The following EYA4 variants were observed in gnomAD, a reference collection of about 807,000 sequenced individuals.
The protein encoded by EYA4 is EYA transcriptional coactivator and phosphatase 4, also known as protein phosphatase EYA4.
Under a neutral mutation model 87.9 loss-of-function variants are expected in EYA4, and 31 were observed. That is an observed-to-expected ratio of 0.35 (90% CI 0.27 to 0.48). EYA4 has a LOEUF of 0.48. EYA4 is among the 20% of genes least tolerant of loss of function. The pLI, the probability that EYA4 is intolerant of heterozygous loss-of-function variation, is 0.99. For synonymous variants in EYA4, 263 were observed against 270.6 expected (o/e 0.97, Z 0.28); for missense variants, 678 against 761.4 (o/e 0.89, Z 1.29).
intron 5 of EYA4, among the ~76,000 whole-genome samples, chr6:133,453,885 A>G (rs1242247127): frequency 6.6e-6 from 1 of 152,074 alleles, no homozygotes; most frequent in African/African-American, 2.4e-5. Context: ...TCCTTTGTCT[A>G]TCTTTGACTA....
chr6:133,490,565 A>G (rs1406373530), intron 13 of EYA4, among the ~76,000 whole-genome samples: 1 of 152,066 alleles, frequency 6.6e-6, no homozygotes, highest in African/African-American at 2.4e-5. Flanking sequence ...GTGGATTTCA[A>G]CACAAAAAGT....
chr6:133,319,271 T>G (rs1340918553), intron 2 of EYA4, among the ~76,000 whole-genome samples: 1 of 152,256 alleles, frequency 6.6e-6, no homozygotes, highest in East Asian at 1.9e-4. Context: ...GAACAAGGCA[T>G]AAGCCGGAAG....
intron 2 of EYA4, among the ~76,000 whole-genome samples, chr6:133,281,984 G>A (rs1328403913): frequency 6.6e-6 from 1 of 152,032 alleles, no homozygotes; most frequent in African/African-American, 2.4e-5. Context: ...ATCCCATGGT[G>A]TATATAAACC....
chr6:133,240,987 G>C (rs1262961254), upstream of EYA4: 1 of 151,886 alleles, frequency 6.6e-6, no homozygotes, highest in Non-Finnish European at 1.5e-5. Context: ...GAGCGCGGTC[G>C]CGGGTCCCTC....
intron 2 of EYA4, among the ~76,000 whole-genome samples, chr6:133,304,894 G>C (rs1380993101): frequency 6.6e-6 from 1 of 152,164 alleles, no homozygotes; most frequent in Non-Finnish European, 1.5e-5. Flanking sequence ...GTGGTGGTGA[G>C]ATAGATAAGA....
chr6:133,370,122 G>T (rs886254278), intron 2 of EYA4, among the ~76,000 whole-genome samples: 1 of 152,184 alleles, frequency 6.6e-6, no homozygotes, highest in African/African-American at 2.4e-5. Context: ...GTTGGTTAGA[G>T]ACTATAAACC....
intron 3 of EYA4, among the ~76,000 whole-genome samples, chr6:133,430,372 T>C (rs74800234): frequency 0.022 from 3,405 of 152,328 alleles, 116 homozygotes; most frequent in African/African-American, 0.078. Context: ...CCTCATTGTT[T>C]GGTCTTAGGC....
chr6:133,482,703 A>G (rs1796321153), intron 12 of EYA4, among the ~76,000 whole-genome samples: 1 of 152,230 alleles, frequency 6.6e-6, no homozygotes. Context: ...TCCCTAAGGT[A>G]TAAAACTTTA....
intron 13 of EYA4, among the ~76,000 whole-genome samples, chr6:133,493,305 A>T (rs1428201606): frequency 1.3e-5 from 2 of 151,998 alleles, no homozygotes; most frequent in Non-Finnish European, 2.9e-5. Context: ...ATTTACAGTG[A>T]AATCATTTTT....
rs1798586576 is a variant in EYA4 at position 133,506,044 on chromosome 6, A to G, written c.1192-62A>G. 12 of 973,658 alleles carry G rather than the reference A, an allele frequency of 1.2e-5. No homozygotes were observed. The South Asian group carries it at 1.5e-4, about 12-fold the overall frequency. The allele number at this position is 973,658 out of a possible 1,614,324, so 60.3% of individuals were successfully genotyped here. On this transcript the variant is annotated intron_variant, in intron 13 of 19. Coordinates refer to ENST00000355286, the MANE Select transcript of EYA4 (RefSeq NM_004100.5). ...TCCACCACAGCAATATGTGCTTAAA[A>G]TATTTTTAATAATAAGCGCTTACTG...
intron 17 of EYA4, among the ~76,000 whole-genome samples, chr6:133,521,421 T>C (rs1323851461): frequency 2.9e-5 from 4 of 140,072 alleles, no homozygotes; most frequent in African/African-American, 1.1e-4. Context: ...TGAGATACCA[T>C]CTCACACCAG....
At chr6:133,343,317 G>A (rs1782940191) in intron 2 of EYA4, among the ~76,000 whole-genome samples, 1 of 152,130 alleles carries the variant, frequency 6.6e-6, no homozygotes, top group Admixed American at 6.6e-5. Flanking sequence ...TAGATTGATT[G>A]TTGATTTATT....
At chr6:133,254,707 T>C (rs896312431) in intron 1 of EYA4, among the ~76,000 whole-genome samples, 1 of 152,210 alleles carries the variant, frequency 6.6e-6, no homozygotes. Context: ...ATATTTGCTC[T>C]GTGTTTCAGT....
intron 11 of EYA4, among the ~76,000 whole-genome samples, chr6:133,479,803 G>A (rs542941146): frequency 6.6e-6 from 1 of 152,108 alleles, no homozygotes; most frequent in Non-Finnish European, 1.5e-5. Context: ...TACTCATATA[G>A]TAATTCTGAC....
chr6:133,399,597 T>C (rs1455380705), intron 3 of EYA4, among the ~76,000 whole-genome samples: 1 of 152,194 alleles, frequency 6.6e-6, no homozygotes, highest in Non-Finnish European at 1.5e-5. Context: ...CTGCTGAAAA[T>C]CAAAGTGTAA....
chr6:133,432,344 T>A (rs1301301361), intron 3 of EYA4, among the ~76,000 whole-genome samples: 2 of 152,202 alleles, frequency 1.3e-5, no homozygotes, highest in Non-Finnish European at 2.9e-5. Context: ...GCCAGCCACA[T>A]TTCTCATCTT....
chr6:133,303,895 G>C (rs951747593), intron 2 of EYA4, among the ~76,000 whole-genome samples: 1 of 121,092 alleles, frequency 8.3e-6, no homozygotes. Context: ...AATTTAATAT[G>C]AGATTATTAG....
intron 3 of EYA4, among the ~76,000 whole-genome samples, chr6:133,402,530 T>G (rs1788353496): frequency 6.6e-6 from 1 of 152,206 alleles, no homozygotes; most frequent in Non-Finnish European, 1.5e-5. Context: ...ATCTGGAGGC[T>G]TAAACTCACA....
chr6:133,364,663 A>G (rs1193182844), intron 2 of EYA4, among the ~76,000 whole-genome samples: 1 of 152,204 alleles, frequency 6.6e-6, no homozygotes, highest in African/African-American at 2.4e-5. Flanking sequence ...TTTTCAGGTT[A>G]TGAGTTTGCC....
Sources: allele counts gnomAD v4.1 joint callset (sites outside exome capture counted in the v4.1 genomes callset), GRCh38; gene constraint gnomAD v4.1.1; transcripts MANE v1.5; gene names NCBI Gene and HGNC (gene_info 2026-07-23, HGNC 2026-07-21).